Variants in SAMSN1 observed in about 807,000 individuals in gnomAD.
SAMSN1 encodes SAM domain-containing protein SAMSN-1.
In SAMSN1, 31 loss-of-function variants were observed where a neutral mutation model predicts 42.0. The ratio of observed to expected loss-of-function variants is 0.74; its 90% CI spans 0.55 to 1.00. SAMSN1 has a LOEUF of 1.00. Ranked by LOEUF, SAMSN1 falls within the 50% of genes least tolerant of loss-of-function variation. The pLI is 0.00. For synonymous variants in SAMSN1, 178 were observed against 151.9 expected, an observed-to-expected ratio of 1.17 and a Z score of -1.26; for missense variants, 464 against 439.4, an observed-to-expected ratio of 1.06 and a Z score of -0.50.
chr21:14,507,660 A>G (rs1305723113), intron 5 of SAMSN1, among the ~76,000 whole-genome samples: 2 of 152,216 alleles, frequency 1.3e-5, no homozygotes, highest in African/African-American at 2.4e-5. Context: ...TTTCCCATCA[A>G]AATACCACCA....
chr21:14,648,690 C>CAGAGAAAT, intron 1 of SAMSN1, among the ~76,000 whole-genome samples: 1 of 150,976 alleles, frequency 6.6e-6, no homozygotes, highest in Admixed American at 6.6e-5. Context: ...CACTGGCCAT[C>CAGAGAAAT]AGAGAAATGC....
At chr21:14,579,143 T>C (rs928726146) in intron 2 of SAMSN1, among the ~76,000 whole-genome samples, 1 of 152,242 alleles carries the variant, frequency 6.6e-6, no homozygotes, top group Non-Finnish European at 1.5e-5. Context: ...TTCACTTTAG[T>C]GTCTCAAATC....
intron 1 of SAMSN1, among the ~76,000 whole-genome samples, chr21:14,530,311 C>T (rs1440628404): frequency 4.2e-4 from 45 of 106,368 alleles, no homozygotes; most frequent in African/African-American, 1.3e-3. Flanking sequence ...AGCGAGACTC[C>T]GTCTCAAAAA....
intron 1 of SAMSN1, among the ~76,000 whole-genome samples, chr21:14,647,997 G>T (rs1175388901): frequency 6.7e-6 from 1 of 149,426 alleles, no homozygotes; most frequent in African/African-American, 2.5e-5. Context: ...CTGCCTAATT[G>T]CCCTGGCCAG....
intron 4 of SAMSN1, among the ~76,000 whole-genome samples, chr21:14,609,908 T>C (rs1982661604): frequency 6.6e-6 from 1 of 152,220 alleles, no homozygotes; most frequent in African/African-American, 2.4e-5. Flanking sequence ...CCCCAATCAA[T>C]ATTCTTGTGA....
intron 1 of SAMSN1, among the ~76,000 whole-genome samples, chr21:14,652,663 C>CAAAACTG (rs1983854769): frequency 1.3e-5 from 2 of 151,954 alleles, no homozygotes; most frequent in African/African-American, 2.4e-5. Flanking sequence ...CAACTATAGG[C>CAAAACTG]AACCAAAGCA....
chr21:14,615,597 A>C (rs1982814395), intron 3 of SAMSN1, among the ~76,000 whole-genome samples: 1 of 152,156 alleles, frequency 6.6e-6, no homozygotes, highest in Non-Finnish European at 1.5e-5. Flanking sequence ...GCCAGGCCTG[A>C]CCTAAATAAC....
intron 7 of SAMSN1, 107 bp downstream of exon 7, chr21:14,498,335 T>C: frequency 1.1e-6 from 1 of 891,244 alleles, no homozygotes; most frequent in South Asian, 1.8e-5. Flanking sequence ...TGGGAAAGCG[T>C]GCTTTCATGA....
At chr21:14,658,815 G>A in exon 1 of SAMSN1, 1 of 714,852 alleles carries the variant, frequency 1.4e-6, no homozygotes, top group Non-Finnish European at 2.6e-6. Context: ...TGAAAAATAT[G>A]ATTGCCTCTT....
At chr21:14,617,611 C>T (rs561735675) in intron 2 of SAMSN1, among the ~76,000 whole-genome samples, 2 of 152,242 alleles carry the variant, frequency 1.3e-5, no homozygotes, top group East Asian at 1.9e-4. Flanking sequence ...ATTAGTTTGT[C>T]GTATGGGTTT....
Position 14,512,543 on chromosome 21 carries a change from A to T in SAMSN1, c.310T>A (p.Tyr104Asn). 2 of 1,613,918 alleles carry T rather than the reference A, an allele frequency of 1.2e-6. No individual in the cohort carries two copies. Among genetic ancestry groups the T allele is most frequent in the Non-Finnish European group, 1.7e-6 (2 of 1,179,806 alleles). The part of the protein sequence containing the change: ...DEEDGENAHP[Y>N]RNSDPVIGTH... ...CCAATCACAGGGTCACTGTTTCTAT[A>T]TGGGTGGGCATTCTCTCCATCTTCC... The change falls in exon 4 of 8, where the codon TAT becomes AAT. Residue 104 changes from tyrosine to asparagine, a missense_variant. Transcript: ENST00000400566.
At chr21:14,605,823 T>C (rs1237132056) in intron 5 of SAMSN1, among the ~76,000 whole-genome samples, 6 of 147,578 alleles carry the variant, frequency 4.1e-5, no homozygotes, top group Admixed American at 6.8e-5. Context: ...TTTATTTATT[T>C]ATTTATTTAT....
chr21:14,633,232 A>G (rs923743895), intron 2 of SAMSN1, among the ~76,000 whole-genome samples: 1 of 152,066 alleles, frequency 6.6e-6, no homozygotes, highest in African/African-American at 2.4e-5. Context: ...GACACCATGC[A>G]CACCCTATTA....
At chr21:14,500,256 T>A (rs138848757) in intron 6 of SAMSN1, among the ~76,000 whole-genome samples, 1 of 152,308 alleles carries the variant, frequency 6.6e-6, no homozygotes, top group East Asian at 1.9e-4. Flanking sequence ...TTTATTCTCC[T>A]AGATATTTTT....
chr21:14,565,543 T>A (rs984950813), intron 2 of SAMSN1, among the ~76,000 whole-genome samples: 3 of 152,156 alleles, frequency 2.0e-5, no homozygotes, highest in Admixed American at 2.0e-4. Context: ...ATTTGTTTCC[T>A]TTTAACATGG....
intron 5 of SAMSN1, among the ~76,000 whole-genome samples, chr21:14,503,677 C>T (rs1405422386): frequency 2.0e-5 from 3 of 152,150 alleles, no homozygotes; most frequent in African/African-American, 7.2e-5. Context: ...TTAAAAAGTA[C>T]TAGACATTTC....
intron 2 of SAMSN1, among the ~76,000 whole-genome samples, chr21:14,565,375 T>C (rs1275391554): frequency 6.6e-6 from 1 of 151,844 alleles, no homozygotes; most frequent in Non-Finnish European, 1.5e-5. Context: ...ACTCATCCTC[T>C]ATTGATAACA....
intron 1 of SAMSN1, chr21:14,643,198 A>G (rs1204461832): frequency 5.7e-6 from 4 of 700,194 alleles, no homozygotes; most frequent in African/African-American, 5.3e-5. Context: ...AAAGGTACCT[A>G]ATTTATACAC....
At chr21:14,629,808 G>T (rs1422239812) in intron 2 of SAMSN1, among the ~76,000 whole-genome samples, 3 of 152,088 alleles carry the variant, frequency 2.0e-5, no homozygotes, top group Non-Finnish European at 2.9e-5. Context: ...TAAATATCCA[G>T]GATGGCAAAA....
Sources: gnomAD v4.1 joint callset for allele counts (sites outside exome capture counted in the v4.1 genomes callset) on GRCh38, gnomAD v4.1.1 for gene constraint, MANE v1.5 for transcripts, NCBI Gene and HGNC (gene_info 2026-07-23, HGNC 2026-07-21) for gene names.